Variants in MAGI3 observed in about 807,000 individuals in gnomAD.
The protein encoded by MAGI3 is membrane associated guanylate kinase, WW and PDZ domain containing 3, also known as membrane-associated guanylate kinase, WW and PDZ domain-containing protein 3.
MAGI3 carries 43 observed loss-of-function variants against 121.8 expected under a neutral mutation model. The ratio of observed to expected loss-of-function variants is 0.35; its 90% CI spans 0.28 to 0.46. The LOEUF (loss-of-function observed/expected upper bound fraction) is 0.46, where lower values mean the gene tolerates loss of function less well. Among genes scored for constraint, MAGI3 ranks in the 20% least tolerant of loss-of-function variants. MAGI3 has a pLI of 1.00. For synonymous variants in MAGI3, 553 were observed against 639.3 expected (o/e 0.86, Z 2.04); for missense variants, 1,547 against 1,797.3 (o/e 0.86, Z 2.52).
At chr1:113,416,780 A>C (rs1652474640) in intron 1 of MAGI3, among the ~76,000 whole-genome samples, 2 of 151,812 alleles carry the variant, frequency 1.3e-5, no homozygotes, top group African/African-American at 4.8e-5. Context: ...ACTTCAGATT[A>C]GAACCTGAGC....
At chr1:113,627,610 A>G (rs1309569697) in intron 9 of MAGI3, among the ~76,000 whole-genome samples, 1 of 148,184 alleles carries the variant, frequency 6.7e-6, no homozygotes, top group Non-Finnish European at 1.5e-5. Context: ...AATTATATAT[A>G]TAAAATATAT....
intron 1 of MAGI3, among the ~76,000 whole-genome samples, chr1:113,525,529 A>G (rs1658409460): frequency 6.6e-6 from 1 of 151,980 alleles, no homozygotes; most frequent in South Asian, 2.1e-4. Flanking sequence ...TAATTAAATG[A>G]TAGTAAAAGT....
At chr1:113,660,884 G>A (rs561645877) in intron 16 of MAGI3, among the ~76,000 whole-genome samples, 6 of 151,226 alleles carry the variant, frequency 4.0e-5, no homozygotes, top group African/African-American at 9.7e-5. Context: ...TATTACAGGC[G>A]TGAGCCACCA....
At chr1:113,483,818 A>G (rs1656225453) in intron 1 of MAGI3, among the ~76,000 whole-genome samples, 1 of 152,192 alleles carries the variant, frequency 6.6e-6, no homozygotes, top group African/African-American at 2.4e-5. Context: ...AGAACAATAC[A>G]GTACAATAGT....
At chr1:113,443,561 A>G (rs1271091798) in intron 1 of MAGI3, among the ~76,000 whole-genome samples, 2 of 152,234 alleles carry the variant, frequency 1.3e-5, no homozygotes, top group African/African-American at 4.8e-5. Context: ...TCTTTAACCA[A>G]GATCATTTAT....
intron 1 of MAGI3, among the ~76,000 whole-genome samples, chr1:113,484,093 G>T (rs72687947): frequency 0.15 from 23,194 of 152,048 alleles, 2,802 homozygotes; most frequent in East Asian, 0.63. Context: ...TTCTAAAAGG[G>T]CATAATTACT....
At chr1:113,678,285 A>G (rs146272459) in intron 19 of MAGI3, among the ~76,000 whole-genome samples, 1 of 152,340 alleles carries the variant, frequency 6.6e-6, no homozygotes, top group Non-Finnish European at 1.5e-5. Flanking sequence ...CAGCAAGATT[A>G]TATATCTAGT....
intron 16 of MAGI3, among the ~76,000 whole-genome samples, chr1:113,662,411 T>C (rs1653831073): frequency 6.6e-6 from 1 of 152,166 alleles, no homozygotes; most frequent in Non-Finnish European, 1.5e-5. Flanking sequence ...ATTTACTATA[T>C]CTGGTAGTTC....
chr1:113,632,391 G>T (rs866291972), intron 9 of MAGI3, among the ~76,000 whole-genome samples: 4 of 152,070 alleles, frequency 2.6e-5, no homozygotes, highest in African/African-American at 4.8e-5. Context: ...CAATATTTCC[G>T]TGAAAATTCT....
At chr1:113,666,374 A>G (rs1212689761) in intron 16 of MAGI3, among the ~76,000 whole-genome samples, 1 of 152,216 alleles carries the variant, frequency 6.6e-6, no homozygotes, top group Non-Finnish European at 1.5e-5. Context: ...ACTATTCTAA[A>G]TCCTTTGTGG....
In MAGI3 at chr1:113,416,369, AT is replaced by A. The variant is rs1419248716; in HGVS notation, c.316+25022del. Among the ~76,000 whole-genome samples the A allele has an allele frequency of 1.6e-4, 19 of 116,606 alleles. 3 individuals carry two copies. The East Asian group carries it at 3.9e-3, about 24-fold the overall frequency. The allele number at this position is 116,606 out of a possible 152,430, so 76.5% of individuals were successfully genotyped here. ...TTAATTATATATTAATTTATATTAT[AT>A]TAATATATTAATAATATATATTAAT... On this transcript the variant is annotated intron_variant, in intron 1 of 20. Coordinates refer to ENST00000307546, the MANE Select transcript of MAGI3 (RefSeq NM_001142782.2).
At position 113,401,359 on chromosome 1, in the gene MAGI3, T is replaced by G. The variant is rs183344767; in HGVS notation, c.316+10010T>G. On this transcript the variant is annotated intron_variant, in intron 1 of 20. Coordinates refer to ENST00000307546, the MANE Select transcript of MAGI3 (RefSeq NM_001142782.2). ...TACTTACAATAAAGGCTTCACTGCT[T>G]GGTTCTGTTTCAAAACAGAGTTTGT... Among the ~76,000 whole-genome samples the G allele has an allele frequency of 2.3e-3, 347 of 152,264 alleles. 2 individuals carry two copies. Among genetic ancestry groups the G allele is most frequent in the African/African-American group, 8.0e-3 (333 of 41,560 alleles).
At position 113,683,016 on chromosome 1, in the gene MAGI3, G is replaced by A; in HGVS notation, c.3448G>A (p.Glu1150Lys). The change falls in exon 21 of 21, where the codon GAA (glutamate) becomes AAA (lysine). Residue 1150 changes from glutamate (E) to lysine (K), a missense_variant. Physicochemically the swap from Glu to Lys is moderately conservative, Grantham distance 56. Coordinates refer to ENST00000307546, the MANE Select transcript of MAGI3 (RefSeq NM_001142782.2). ...AGAGTCTCACGTGCCAGTAATTGAA[G>A]AATCTTTGAGAGTTCAGATATGTGA... ...FEESHVPVIE[E>K]SLRVQICEKA... 1 of 1,613,904 alleles carries A rather than the reference G, an allele frequency of 6.2e-7. No individual in the cohort carries two copies. The highest frequency in any genetic ancestry group is 8.5e-7 in the Non-Finnish European group (1 of 1,179,866).
Position 113,391,160 on chromosome 1 carries a change from C to A in MAGI3, c.127C>A (p.Pro43Thr). Residue 43 changes from proline to threonine, a missense_variant, in exon 1 of 21, where the codon CCC becomes ACC. Coordinates refer to ENST00000307546, the MANE Select transcript of MAGI3 (RefSeq NM_001142782.2). This position sits in a 1 kb window ranked among gnomAD's most constrained non-coding sequence, Gnocchi z 4.4. ...CGGTGGCGCGGAGCGTGGCGAGTTC[C>A]CCTACCTGGGGCGGCTCCGCGAGGA... ...IRGGAERGEFPYLGRLREEPG... is the reference protein window; with the variant it reads ...IRGGAERGEFTYLGRLREEPG... 1 of 1,558,450 alleles carries A rather than the reference C, an allele frequency of 6.4e-7. No homozygotes were observed. Among genetic ancestry groups the A allele is most frequent in the Non-Finnish European group, 8.7e-7 (1 of 1,151,798 alleles).
chr1:113,607,552 G>A (rs549271544), intron 6 of MAGI3, among the ~76,000 whole-genome samples: 164 of 152,246 alleles, frequency 1.1e-3, no homozygotes, highest in African/African-American at 3.8e-3. Flanking sequence ...TACTGTTTGT[G>A]TATCATATAT....
intron 1 of MAGI3, among the ~76,000 whole-genome samples, chr1:113,543,210 C>T (rs985992881): frequency 2.0e-5 from 3 of 152,098 alleles, no homozygotes; most frequent in East Asian, 1.9e-4. Flanking sequence ...AGAAGATAAT[C>T]GATTCAAATG....
chr1:113,551,135 G>T (rs998528608), intron 2 of MAGI3, among the ~76,000 whole-genome samples: 1 of 151,976 alleles, frequency 6.6e-6, no homozygotes, highest in Non-Finnish European at 1.5e-5. Context: ...TACTTTACTT[G>T]GGCAAGTTAC....
chr1:113,569,366 C>T (rs1001980776), intron 2 of MAGI3, among the ~76,000 whole-genome samples: 1 of 152,070 alleles, frequency 6.6e-6, no homozygotes, highest in African/African-American at 2.4e-5. Flanking sequence ...TGTCAAGCCA[C>T]CTTTTCTTTT....
intron 1 of MAGI3, among the ~76,000 whole-genome samples, chr1:113,421,617 T>C (rs1652737137): frequency 6.6e-6 from 1 of 152,192 alleles, no homozygotes; most frequent in African/African-American, 2.4e-5. Flanking sequence ...CCTACCTTTC[T>C]TCAGTATTTT....
Sources: gnomAD v4.1 joint callset for allele counts (sites outside exome capture counted in the v4.1 genomes callset) on GRCh38, gnomAD v4.1.1 for gene constraint, Gnocchi (gnomAD v3.1) non-coding constraint, MANE v1.5 for transcripts, NCBI Gene and HGNC (gene_info 2026-07-23, HGNC 2026-07-21) for gene names.